Variants in HMGXB4 observed in about 807,000 individuals in gnomAD.
The protein encoded by HMGXB4 is HMG-box containing 4.
A neutral mutation model predicts 63.9 loss-of-function variants in HMGXB4; 27 were observed. That is an observed-to-expected ratio of 0.42 (90% confidence interval 0.31 to 0.58). The LOEUF is 0.58. Among genes scored for constraint, HMGXB4 ranks in the 20% least tolerant of loss-of-function variants. HMGXB4 has a pLI of 0.13. For synonymous variants in HMGXB4, 264 were observed against 265.3 expected (o/e 0.99, Z 0.05); for missense variants, 624 against 700.7 (o/e 0.89, Z 1.24).
At chr22:35,273,542 C>G (rs1229325366) in intron 5 of HMGXB4, among the ~76,000 whole-genome samples, 1 of 152,208 alleles carries the variant, frequency 6.6e-6, no homozygotes, top group African/African-American at 2.4e-5. Flanking sequence ...CAGTTACTTT[C>G]GCTTACGTCT....
the HMGXB4 span, among the ~76,000 whole-genome samples, chr22:35,250,826 AGT>A: frequency 6.6e-6 from 1 of 152,092 alleles, no homozygotes; most frequent in African/African-American, 2.4e-5. Flanking sequence ...TGATTTTCAC[AGT>A]CTCTACCCAC....
At chr22:35,280,257 T>G (rs1924164052) in intron 5 of HMGXB4, among the ~76,000 whole-genome samples, 1 of 152,162 alleles carries the variant, frequency 6.6e-6, no homozygotes, top group Admixed American at 6.5e-5. Context: ...AAAATAACAT[T>G]GAGTACCTAC....
the HMGXB4 span, among the ~76,000 whole-genome samples, chr22:35,249,149 C>T: frequency 2.0e-5 from 3 of 151,628 alleles, no homozygotes; most frequent in Middle Eastern, 3.4e-3. Flanking sequence ...ACCTCTGCCT[C>T]CCGGATTCAA....
intron 9 of HMGXB4, among the ~76,000 whole-genome samples, chr22:35,292,530 GA>G (rs1212589637): frequency 6.6e-6 from 1 of 152,178 alleles, no homozygotes; most frequent in Non-Finnish European, 1.5e-5. Context: ...CTTTGAGAGT[GA>G]ACAACTCAAC....
At chr22:35,274,002 A>G (rs1188518583) in intron 5 of HMGXB4, among the ~76,000 whole-genome samples, 1 of 152,222 alleles carries the variant, frequency 6.6e-6, no homozygotes, top group Non-Finnish European at 1.5e-5. Flanking sequence ...TTGCTATTCA[A>G]TAGTACATAT....
chr22:35,256,248 CAA>C (rs1024675202), upstream of HMGXB4, among the ~76,000 whole-genome samples: 1 of 151,926 alleles, frequency 6.6e-6, no homozygotes, highest in Non-Finnish European at 1.5e-5. Flanking sequence ...CCCAACTCTG[CAA>C]TGGAAAATAC....
upstream of HMGXB4, among the ~76,000 whole-genome samples, chr22:35,253,850 A>G (rs978933822): frequency 3.9e-5 from 6 of 152,086 alleles, no homozygotes; most frequent in East Asian, 1.9e-4. Flanking sequence ...TGTTTTTTAC[A>G]TGAGTTACAT....
At chr22:35,244,245 T>G in the HMGXB4 span, among the ~76,000 whole-genome samples, 1 of 152,038 alleles carries the variant, frequency 6.6e-6, no homozygotes, top group African/African-American at 2.4e-5. Flanking sequence ...CATTTTATTT[T>G]CAGTCTATTT....
chr22:35,290,901 T>C (rs1337359944), intron 9 of HMGXB4, among the ~76,000 whole-genome samples: 1 of 152,168 alleles, frequency 6.6e-6, no homozygotes, highest in African/African-American at 2.4e-5. Context: ...CAAAATAATA[T>C]GTTCAGTAGT....
At chr22:35,267,645 C>T (rs1440187368) in intron 5 of HMGXB4, among the ~76,000 whole-genome samples, 1 of 150,476 alleles carries the variant, frequency 6.6e-6, no homozygotes, top group Non-Finnish European at 1.5e-5. Context: ...TTCTGTATTC[C>T]CAGTATCCCG....
intron 5 of HMGXB4, among the ~76,000 whole-genome samples, chr22:35,281,386 A>G (rs575181495): frequency 2.0e-5 from 3 of 152,340 alleles, no homozygotes; most frequent in East Asian, 1.9e-4. Context: ...CAGGTACTCA[A>G]TAAACGCTAA....
At chr22:35,250,677 G>T in the HMGXB4 span, among the ~76,000 whole-genome samples, 1 of 152,002 alleles carries the variant, frequency 6.6e-6, no homozygotes. Context: ...GGAGCAAACC[G>T]GTCAGCTTAC....
intron 5 of HMGXB4, among the ~76,000 whole-genome samples, chr22:35,269,670 G>T (rs1923481680): frequency 6.6e-6 from 1 of 152,200 alleles, no homozygotes; most frequent in Non-Finnish European, 1.5e-5. Context: ...TGATCTAAAT[G>T]ATAAGAATAA....
At chr22:35,290,649 A>G (rs996165027) in intron 9 of HMGXB4, among the ~76,000 whole-genome samples, 4 of 150,772 alleles carry the variant, frequency 2.7e-5, no homozygotes, top group South Asian at 2.1e-4. Flanking sequence ...AAAAAAAAAA[A>G]AAAAGAAACC....
chr22:35,265,210 C>T lies in HMGXB4; in HGVS notation c.822C>T (p.Phe274=), dbSNP rs773385936. 2.7e-5 allele frequency: 43 copies of T among 1,613,946 alleles called. No individual in the cohort carries two copies. Among genetic ancestry groups the T allele is most frequent in the Non-Finnish European group, 3.4e-5 (40 of 1,180,006 alleles). Residue 274 remains phenylalanine (F), a synonymous_variant, in exon 5 of 11, where the codon TTC becomes TTT. Coordinates refer to ENST00000216106, the MANE Select transcript of HMGXB4 (RefSeq NM_001003681.3). The part of the protein sequence containing the change: ...PEGCGSDASQ[F]AESHSANLDL... The stretch of plus-strand genomic sequence containing the variant: ...GCTGTGGGTCTGACGCCTCCCAGTT[C>T]GCAGAGTCCCACAGTGCTAACCTTG...
At chr22:35,265,691 G>A in intron 5 of HMGXB4, 88 bp downstream of exon 5, 1 of 1,436,306 alleles carries the variant, frequency 7.0e-7, no homozygotes, top group African/African-American at 1.4e-5. Flanking sequence ...AGCAGTTGAG[G>A]TAAACCACTG....
intron 5 of HMGXB4, among the ~76,000 whole-genome samples, chr22:35,273,521 G>A (rs999484466): frequency 2.0e-5 from 3 of 152,230 alleles, no homozygotes; most frequent in Non-Finnish European, 2.9e-5. Flanking sequence ...CTTAGTAAAT[G>A]TCAGCTGTTA....
chr22:35,257,015 CT>C (rs954206666), upstream of HMGXB4, among the ~76,000 whole-genome samples: 4 of 152,236 alleles, frequency 2.6e-5, no homozygotes, highest in Non-Finnish European at 5.9e-5. Flanking sequence ...CACCTCACCC[CT>C]AATATGCCAA....
Position 35,265,613 on chromosome 22 carries a change from C to T in HMGXB4, c.1215+10C>T. 1 of 1,546,950 alleles carries T rather than the reference C, an allele frequency of 6.5e-7. No homozygotes were observed. The highest frequency in any genetic ancestry group is 8.7e-7 in the Non-Finnish European group (1 of 1,149,612). The stretch of plus-strand genomic sequence containing the variant: ...AGAGAGAGGAGAAAAGGTAAAGCAT[C>T]TTTTAAGTGTGGTGGGGGTAAGAGA... On this transcript the variant is annotated intron_variant, in intron 5 of 10. Transcript: ENST00000216106.
Sources: gnomAD v4.1 joint callset for allele counts (sites outside exome capture counted in the v4.1 genomes callset) on GRCh38, gnomAD v4.1.1 for gene constraint, MANE v1.5 for transcripts, NCBI Gene and HGNC (gene_info 2026-07-23, HGNC 2026-07-21) for gene names.